TSPAN18: variants seen among roughly 807,000 people sequenced by gnomAD.
TSPAN18 encodes the protein tetraspanin 18, also known as tetraspanin-18.
TSPAN18 carries 14 observed loss-of-function variants against 27.3 expected under a neutral mutation model. The observed-to-expected ratio is 0.51, with a 90% CI of 0.34 to 0.80. The LOEUF (loss-of-function observed/expected upper bound fraction) is 0.80. TSPAN18 is among the 30% of genes least tolerant of loss of function. The pLI, the probability that TSPAN18 is intolerant of heterozygous loss-of-function variation, is 0.01. For synonymous variants in TSPAN18, 143 were observed against 136.5 expected, an observed-to-expected ratio of 1.05 and a Z score of -0.33; for missense variants, 268 against 323.9, an observed-to-expected ratio of 0.83 and a Z score of 1.32.
chr11:44,785,526 C>T (rs1220738045), intron 2 of TSPAN18, among the ~76,000 whole-genome samples: 1 of 151,586 alleles, frequency 6.6e-6, no homozygotes, highest in Non-Finnish European at 1.5e-5. Context: ...CCCTGCCCCC[C>T]ACCGCCCCCT....
At chr11:44,783,070 C>T (rs777633977) in intron 2 of TSPAN18, among the ~76,000 whole-genome samples, 11 of 152,078 alleles carry the variant, frequency 7.2e-5, no homozygotes, top group African/African-American at 2.2e-4. Flanking sequence ...TCCAGTGATC[C>T]GCTTGCCTTG....
At chr11:44,762,580 A>G (rs1272145519) in intron 1 of TSPAN18, among the ~76,000 whole-genome samples, 1 of 152,224 alleles carries the variant, frequency 6.6e-6, no homozygotes, top group Non-Finnish European at 1.5e-5. Context: ...ATATGTATAA[A>G]TAACTTGCCC....
rs541199308 is a variant in TSPAN18 at position 44,929,266 on chromosome 11, G to C, written c.*88G>C. 7.8e-6 allele frequency: 12 copies of C among 1,538,760 alleles called. No individual in the cohort carries two copies. The highest frequency in any genetic ancestry group is 4.5e-5 in the South Asian group (4 of 89,246). On this transcript the variant is annotated 3_prime_UTR_variant, in exon 10 of 10. Coordinates refer to ENST00000520358, the MANE Select transcript of TSPAN18 (RefSeq NM_130783.5). ...CCGTGCCCCTCCCCGCTGTCCTCTT[G>C]GCCCCAGGGGAGAAGATGAGGCCAT...
chr11:44,769,991 G>A (rs995694049), intron 2 of TSPAN18, among the ~76,000 whole-genome samples: 13 of 152,168 alleles, frequency 8.5e-5, no homozygotes, highest in African/African-American at 2.9e-4. Context: ...TTACATCTGC[G>A]GAATGGGTGT....
In TSPAN18 at chr11:44,786,823, G is replaced by A. The variant is rs183972766; in HGVS notation, c.-153+22311G>A. ...AGTTGTGTATTTTTAGTAGAGACTGGGTTTCTCCATGTTGGCCAGGCTGGT... is the reference window on the plus strand; with the variant it reads ...AGTTGTGTATTTTTAGTAGAGACTGAGTTTCTCCATGTTGGCCAGGCTGGT... On this transcript the variant is annotated intron_variant, in intron 2 of 9. Transcript: ENST00000520358. Among the ~76,000 whole-genome samples the A allele has an allele frequency of 2.0e-4, 31 of 151,938 alleles. 1 individual carries two copies. The highest frequency in any genetic ancestry group is 1.4e-3 in the Admixed American group (22 of 15,254).
chr11:44,855,133 T>C lies in TSPAN18; in HGVS notation c.-152-5195T>C, dbSNP rs1857701668. 2.0e-5 allele frequency among the ~76,000 whole-genome samples: 3 copies of C among 151,524 alleles called. No individual in the cohort carries two copies. The South Asian group carries it at 6.2e-4, about 31-fold the overall frequency. On this transcript the variant is annotated intron_variant, in intron 2 of 9. Coordinates refer to ENST00000520358, the MANE Select transcript of TSPAN18 (RefSeq NM_130783.5). ...GTTTATGGACTGCCATTAGATAATA[T>C]GGATTCATCCTGAAGGTTTTTTTTT...
chr11:44,757,375 ATTATTTAT>A (rs35948051), intron 1 of TSPAN18, among the ~76,000 whole-genome samples: 3 of 151,228 alleles, frequency 2.0e-5, no homozygotes, highest in South Asian at 2.1e-4. Flanking sequence ...CTGAGAAATG[ATTATTTAT>A]TTATTTATTT....
chr11:44,882,587 GACACACACACACACACACACAC>G (rs748475836), intron 3 of TSPAN18, among the ~76,000 whole-genome samples: 1 of 130,770 alleles, frequency 7.6e-6, no homozygotes, highest in African/African-American at 3.0e-5. Flanking sequence ...CAGAGAGAGA[GACACACACACACACACACACAC>G]ACACACACAC....
chr11:44,902,661 A>G (rs1016248879), intron 3 of TSPAN18, among the ~76,000 whole-genome samples: 1 of 152,184 alleles, frequency 6.6e-6, no homozygotes, highest in Non-Finnish European at 1.5e-5. Flanking sequence ...CTGGGAGGGC[A>G]GGGCCTGGAG....
At chr11:44,919,158 G>A (rs980226589) in intron 6 of TSPAN18, 56 bp from the exon 7 acceptor site, 2 of 1,379,378 alleles carry the variant, frequency 1.4e-6, no homozygotes, top group African/African-American at 2.8e-5. Flanking sequence ...GACGATGGAG[G>A]GTGGGGGCTG....
chr11:44,876,831 A>G (rs1272247355), intron 3 of TSPAN18, among the ~76,000 whole-genome samples: 3 of 152,170 alleles, frequency 2.0e-5, no homozygotes, highest in Non-Finnish European at 4.4e-5. Context: ...GCTCCCTGAT[A>G]TATGGAGACT....
intron 3 of TSPAN18, among the ~76,000 whole-genome samples, chr11:44,861,926 C>T (rs965174440): frequency 1.3e-5 from 2 of 152,092 alleles, no homozygotes; most frequent in Non-Finnish European, 2.9e-5. Flanking sequence ...TCCCTGCACT[C>T]TCTGATGGCC....
chr11:44,783,764 C>T (rs762168400), intron 2 of TSPAN18, among the ~76,000 whole-genome samples: 15 of 152,210 alleles, frequency 9.9e-5, no homozygotes, highest in Non-Finnish European at 1.5e-4. Flanking sequence ...TCCTACAAAT[C>T]CCGCCCCTCT....
intron 2 of TSPAN18, among the ~76,000 whole-genome samples, chr11:44,843,734 G>A (rs558112436): frequency 1.8e-4 from 28 of 152,304 alleles, no homozygotes; most frequent in African/African-American, 5.5e-4. Context: ...TCCCCATGCT[G>A]AGAAAAAGAA....
At position 44,917,892 on chromosome 11, in the gene TSPAN18, G is replaced by C. The variant is rs1157398747; in HGVS notation, c.259-80G>C. 4 of 1,316,088 alleles carry C rather than the reference G, an allele frequency of 3.0e-6. No individual in the cohort carries two copies. In the African/African-American group the frequency reaches 5.8e-5, roughly 19 times the overall value. 81.5% of individuals were successfully genotyped at this position (1,316,088 alleles called of 1,614,324 possible). A position where few individuals can be genotyped will look rare whatever the true frequency, so the allele number is the denominator to read the frequency against. On this transcript the variant is annotated intron_variant, in intron 5 of 9. Coordinates refer to ENST00000520358, the MANE Select transcript of TSPAN18 (RefSeq NM_130783.5). ...AGTATACTGCGTCACTGGTGTGACAGATGGACGGATGCATTGGCCAGTGGC... is the reference window on the plus strand; with the variant it reads ...AGTATACTGCGTCACTGGTGTGACACATGGACGGATGCATTGGCCAGTGGC...
At chr11:44,891,105 A>C (rs1858835527) in intron 3 of TSPAN18, among the ~76,000 whole-genome samples, 1 of 152,216 alleles carries the variant, frequency 6.6e-6, no homozygotes, top group African/African-American at 2.4e-5. Context: ...CAGAAGTTGG[A>C]GGCTGCAGTG....
At chr11:44,811,952 C>T (rs1364498276) in intron 2 of TSPAN18, among the ~76,000 whole-genome samples, 2 of 152,230 alleles carry the variant, frequency 1.3e-5, no homozygotes, top group Non-Finnish European at 2.9e-5. Flanking sequence ...CCCGGGATGA[C>T]AGCTGTCCCA....
rs144981841 is a variant in TSPAN18, at chr11:44,919,934, C to T, written c.550C>T (p.Arg184Trp). 9 of 1,614,196 alleles carry T rather than the reference C, an allele frequency of 5.6e-6. 1 individual carries two copies. Among genetic ancestry groups the T allele is most frequent in the African/African-American group, 4.0e-5 (3 of 75,060 alleles). Residue 184 changes from arginine to tryptophan, a missense_variant, in exon 8 of 10, where the codon CGG becomes TGG. Transcript: ENST00000520358. ...CTGCTGCCGGAGGGAACCCCAAAGT[C>T]GGGACGGGGTCCTGCTGAGCCGGGA... The part of the protein sequence containing the change: ...EACCRREPQS[R>W]DGVLLSREEC...
intron 1 of TSPAN18, among the ~76,000 whole-genome samples, chr11:44,743,446 G>T (rs1854993738): frequency 1.3e-5 from 2 of 152,196 alleles, no homozygotes; most frequent in South Asian, 4.1e-4. Flanking sequence ...TCTGGTTTGT[G>T]TGACCTTGGG....
Sources: gnomAD v4.1 joint callset for allele counts (sites outside exome capture counted in the v4.1 genomes callset) on GRCh38, gnomAD v4.1.1 for gene constraint, MANE v1.5 for transcripts, NCBI Gene and HGNC (gene_info 2026-07-23, HGNC 2026-07-21) for gene names.